DLG2: variants seen among roughly 807,000 people sequenced by gnomAD.
DLG2 encodes the protein discs large MAGUK scaffold protein 2, also known as disks large homolog 2.
A neutral mutation model predicts 132.5 loss-of-function variants in DLG2; 45 were observed. The ratio of observed to expected loss-of-function variants is 0.34; its 90% CI spans 0.27 to 0.44. DLG2 has a LOEUF of 0.44. Ranked by LOEUF, DLG2 falls within the 20% of genes least tolerant of loss-of-function variation. DLG2 has a pLI of 1.00. For missense variants in DLG2, 1,045 were observed against 1,196.9 expected (o/e 0.87, Z 1.87); for synonymous variants, 424 against 419.6 (o/e 1.01, Z -0.13).
intron 6 of DLG2, among the ~76,000 whole-genome samples, chr11:84,711,756 A>C (rs941918540): frequency 1.3e-5 from 2 of 151,950 alleles, no homozygotes; most frequent in Non-Finnish European, 2.9e-5. Context: ...AGGGAGGACA[A>C]TCTGCTTTAT....
intron 7 of DLG2, among the ~76,000 whole-genome samples, chr11:84,516,638 A>G (rs977386666): frequency 6.6e-6 from 1 of 151,618 alleles, no homozygotes; most frequent in Non-Finnish European, 1.5e-5. Context: ...TATTTATTGA[A>G]GAATTAATGC....
chr11:84,132,964 A>T (rs2094472410), intron 9 of DLG2, among the ~76,000 whole-genome samples: 1 of 152,084 alleles, frequency 6.6e-6, no homozygotes, highest in Non-Finnish European at 1.5e-5. Context: ...AGAAGTAAGC[A>T]AACAACCAGA....
intron 6 of DLG2, among the ~76,000 whole-genome samples, chr11:84,713,052 G>C (rs528298040): frequency 6.6e-6 from 1 of 152,170 alleles, no homozygotes; most frequent in South Asian, 2.1e-4. Flanking sequence ...AGAAATTCTT[G>C]TACAATAAAA....
In DLG2 at chr11:83,943,739, C is replaced by A. The variant is rs560433816; in HGVS notation, c.1341-13256G>T. On this transcript the variant is annotated intron_variant, in intron 14 of 27. Transcript: ENST00000376104. Reference sequence around the variant, plus strand: ...AGTATAGTCTTTTTTACTGGTGCATCTATTCACTCAACATATTTACTGCCC... The same window carrying A: ...AGTATAGTCTTTTTTACTGGTGCATATATTCACTCAACATATTTACTGCCC... Among the ~76,000 whole-genome samples, 7 of 152,314 alleles carry A rather than the reference C, an allele frequency of 4.6e-5. No individual in the cohort carries two copies. In the East Asian group the frequency reaches 1.3e-3, roughly 29 times the overall value.
At chr11:84,306,876 G>A (rs1220202844) in intron 7 of DLG2, among the ~76,000 whole-genome samples, 2 of 152,166 alleles carry the variant, frequency 1.3e-5, no homozygotes, top group Non-Finnish European at 2.9e-5. Context: ...AAAAAGGAAT[G>A]TTTATACACT....
chr11:85,278,623 C>A (rs1198205395), intron 4 of DLG2, among the ~76,000 whole-genome samples: 1 of 151,978 alleles, frequency 6.6e-6, no homozygotes, highest in East Asian at 1.9e-4. Context: ...AAGAGCCTAG[C>A]CTGGACTTTA....
intron 18 of DLG2, among the ~76,000 whole-genome samples, chr11:83,712,276 T>C (rs2085625052): frequency 6.6e-6 from 1 of 152,134 alleles, no homozygotes; most frequent in Admixed American, 6.6e-5. Flanking sequence ...CCATCAATGA[T>C]AGACTAGATA....
At chr11:84,621,302 T>C (rs2099613498) in intron 6 of DLG2, among the ~76,000 whole-genome samples, 1 of 152,122 alleles carries the variant, frequency 6.6e-6, no homozygotes, top group African/African-American at 2.4e-5. Flanking sequence ...CTCTGGCTAC[T>C]GTGAGAAGAA....
At position 85,575,858 on chromosome 11, in the gene DLG2, A is replaced by G. The variant is rs186546259; in HGVS notation, c.40+22799T>C. On this transcript the variant is annotated intron_variant, in intron 3 of 27. Coordinates refer to ENST00000376104, the MANE Select transcript of DLG2 (RefSeq NM_001142699.3). ...TGCTGATATCTACCATGTAACTACA[A>G]ATTTCATAAGAGCAGGAATATCTGT... Among the ~76,000 whole-genome samples, 7 of 152,322 alleles carry G rather than the reference A, an allele frequency of 4.6e-5. No individual in the cohort carries two copies. The East Asian group carries it at 1.2e-3, about 25-fold the overall frequency.
At chr11:83,790,290 G>T (rs2041192392) in intron 17 of DLG2, 4 of 931,406 alleles carry the variant, frequency 4.3e-6, no homozygotes, top group East Asian at 4.9e-5. Context: ...AGTCTAGTGT[G>T]AACTGTTTTA....
intron 3 of DLG2, among the ~76,000 whole-genome samples, chr11:85,336,864 T>C (rs1396187050): frequency 1.3e-5 from 2 of 152,188 alleles, no homozygotes; most frequent in Admixed American, 1.3e-4. Context: ...TAACCATCAA[T>C]CCATTTTCTC....
At chr11:85,448,187 GCAATCTAAAA>G (rs2092092556) in intron 3 of DLG2, among the ~76,000 whole-genome samples, 1 of 152,092 alleles carries the variant, frequency 6.6e-6, no homozygotes, top group Non-Finnish European at 1.5e-5. Flanking sequence ...TCCTGCTTTA[GCAATCTAAAA>G]AGCCCTATCA....
At chr11:84,841,165 T>C (rs1437116008) in intron 6 of DLG2, among the ~76,000 whole-genome samples, 1 of 151,784 alleles carries the variant, frequency 6.6e-6, no homozygotes, top group African/African-American at 2.4e-5. Context: ...AATAACACCA[T>C]ATATGTTCCG....
At position 84,074,497 on chromosome 11, in the gene DLG2, A is replaced by C. The variant is rs531039843; in HGVS notation, c.750-15013T>G. On this transcript the variant is annotated intron_variant, in intron 10 of 27. Coordinates refer to ENST00000376104, the MANE Select transcript of DLG2 (RefSeq NM_001142699.3). ...ACGGGTTCCACTCCTGTTTTCTTTA[A>C]TATATTCTCTAGACGGAAACCAGAG... Among the ~76,000 whole-genome samples the C allele has an allele frequency of 8.6e-5, 13 of 151,458 alleles. No individual in the cohort carries two copies. In the East Asian group the frequency reaches 2.5e-3, roughly 29 times the overall value.
At chr11:84,555,429 T>C (rs2099409997) in intron 6 of DLG2, among the ~76,000 whole-genome samples, 2 of 148,534 alleles carry the variant, frequency 1.3e-5, no homozygotes, top group South Asian at 4.5e-4. Context: ...CAAAATGTGG[T>C]TAGAAATATC....
intron 6 of DLG2, among the ~76,000 whole-genome samples, chr11:85,020,334 T>C (rs1260221195): frequency 2.0e-5 from 3 of 152,214 alleles, no homozygotes; most frequent in Admixed American, 1.3e-4. Context: ...TGTAAATTTG[T>C]TTAAGTTCTT....
intron 8 of DLG2, among the ~76,000 whole-genome samples, chr11:84,179,324 G>A (rs1322374618): frequency 6.6e-6 from 1 of 152,124 alleles, no homozygotes; most frequent in African/African-American, 2.4e-5. Flanking sequence ...AACAACTATT[G>A]TTAGATCCAT....
chr11:85,414,828 A>C (rs2089674496), intron 3 of DLG2, among the ~76,000 whole-genome samples: 1 of 151,808 alleles, frequency 6.6e-6, no homozygotes, highest in South Asian at 2.1e-4. Context: ...CTGTTGGACA[A>C]GGCATTTTAT....
rs567172373 is a variant in DLG2, at chr11:85,188,563, G to A, written c.187-33912C>T. 1.6e-4 allele frequency among the ~76,000 whole-genome samples: 25 copies of A among 151,966 alleles called. No homozygotes were observed. In the East Asian group the frequency reaches 3.5e-3, roughly 21 times the overall value. ...CAATAGACCTAACAATGACTTTAAA[G>A]CAAATATTACAAATATATTATAAGA... On this transcript the variant is annotated intron_variant, in intron 4 of 27. Coordinates refer to ENST00000376104, the MANE Select transcript of DLG2 (RefSeq NM_001142699.3).
Sources: allele counts gnomAD v4.1 joint callset (sites outside exome capture counted in the v4.1 genomes callset), GRCh38; gene constraint gnomAD v4.1.1; transcripts MANE v1.5; gene names NCBI Gene and HGNC (gene_info 2026-07-23, HGNC 2026-07-21).